The following LAMB4 variants were observed in gnomAD, a reference collection of about 807,000 sequenced individuals.
LAMB4 encodes laminin subunit beta-4.
A neutral mutation model predicts 199.2 loss-of-function variants in LAMB4; 196 were observed. The ratio of observed to expected loss-of-function variants is 0.98; its 90% CI spans 0.88 to 1.11. The LOEUF (loss-of-function observed/expected upper bound fraction) is 1.11. LAMB4 is among the 50% of genes least tolerant of loss of function. The pLI, the probability that LAMB4 is intolerant of heterozygous loss-of-function variation, is 0.00. For missense variants in LAMB4, 2,080 were observed against 2,171.2 expected, an observed-to-expected ratio of 0.96 and a Z score of 0.83; for synonymous variants, 744 against 770.6, an observed-to-expected ratio of 0.97 and a Z score of 0.57.
At chr7:108,058,363 T>C (rs541635053) in intron 23 of LAMB4, among the ~76,000 whole-genome samples, 7 of 152,370 alleles carry the variant, frequency 4.6e-5, no homozygotes, top group African/African-American at 1.7e-4. Context: ...ACCAACTGGA[T>C]TAGCGTTTTG....
In LAMB4 at chr7:108,117,699, C is replaced by T. The variant is rs1267131119; in HGVS notation, c.35-1538G>A. 2.6e-5 allele frequency among the ~76,000 whole-genome samples: 4 copies of T among 152,178 alleles called. No individual in the cohort carries two copies. The East Asian group carries it at 5.8e-4, about 22-fold the overall frequency. The stretch of plus-strand genomic sequence containing the variant: ...AATAAGAGAATGGCTACTCCATAGA[C>T]AGAGCAGCCCCAAGGGCTGCTGGTT... On this transcript the variant is annotated intron_variant, in intron 2 of 33. Transcript: ENST00000388781.
chr7:108,072,356 G>A (rs2150565879), intron 17 of LAMB4, among the ~76,000 whole-genome samples: 1 of 152,184 alleles, frequency 6.6e-6, no homozygotes, highest in Non-Finnish European at 1.5e-5. Context: ...ATTGAAGTCT[G>A]ATGATTTATT....
At chr7:108,113,939 G>A (rs1287267105) in intron 3 of LAMB4, among the ~76,000 whole-genome samples, 2 of 152,190 alleles carry the variant, frequency 1.3e-5, no homozygotes, top group South Asian at 4.1e-4. Context: ...GAAATATTTT[G>A]AGGTTTTTTC....
At chr7:108,046,455 T>TA (rs1364590045) in intron 28 of LAMB4, among the ~76,000 whole-genome samples, 4 of 151,932 alleles carry the variant, frequency 2.6e-5, no homozygotes, top group South Asian at 2.1e-4. Context: ...CATATAGTGG[T>TA]AAAAAATTCA....
chr7:108,088,386 A>G (rs1322258043), intron 14 of LAMB4, among the ~76,000 whole-genome samples: 3 of 152,064 alleles, frequency 2.0e-5, no homozygotes, highest in Non-Finnish European at 4.4e-5. Flanking sequence ...CTAGTCTCAA[A>G]CTCCTGACCT....
chr7:108,125,051 G>A (rs1350338236), intron 1 of LAMB4, among the ~76,000 whole-genome samples: 3 of 152,200 alleles, frequency 2.0e-5, no homozygotes, highest in Non-Finnish European at 4.4e-5. Context: ...ATGCTGGAAA[G>A]TGACTCACTG....
At chr7:108,087,885 G>A (rs992295672) in intron 14 of LAMB4, among the ~76,000 whole-genome samples, 6 of 152,180 alleles carry the variant, frequency 3.9e-5, no homozygotes, top group African/African-American at 1.4e-4. Flanking sequence ...TTTGGGCTTG[G>A]TTTTTCCTTT....
intron 8 of LAMB4, among the ~76,000 whole-genome samples, chr7:108,105,495 A>G (rs903941437): frequency 6.6e-6 from 1 of 152,202 alleles, no homozygotes; most frequent in African/African-American, 2.4e-5. Context: ...CACCAACCCA[A>G]TATGATCCCT....
chr7:108,063,809 G>C lies in LAMB4; in HGVS notation c.3013C>G (p.Leu1005Val), dbSNP rs773781802. ...LHNTQGANCQ[L>V]CKPGHYGSAL... ...GATCCATAGTGACCTGGTTTGCAGA[G>C]CTGGCAGTTTGCGCCCTGAGTGTTG... Residue 1005 changes from leucine (L) to valine (V), a missense_variant, in exon 22 of 34, where the codon CTC (leucine) becomes GTC (valine). Coordinates refer to ENST00000388781, the MANE Select transcript of LAMB4 (RefSeq NM_007356.3). 4 of 1,614,214 alleles carry C rather than the reference G, an allele frequency of 2.5e-6. No individual in the cohort carries two copies. Among genetic ancestry groups the C allele is most frequent in the Non-Finnish European group, 8.5e-7 (1 of 1,180,038 alleles).
intron 8 of LAMB4, 120 bp from the exon 9 acceptor site, chr7:108,104,739 G>A: frequency 9.1e-7 from 1 of 1,098,806 alleles, no homozygotes; most frequent in Non-Finnish European, 1.3e-6. Context: ...TTTCCCATAT[G>A]TTAATTACAA....
In LAMB4 at chr7:108,055,717, C is replaced by G. The variant is rs369035830; in HGVS notation, c.3670G>C (p.Val1224Leu). Residue 1224 changes from valine (V) to leucine (L), a missense_variant, in exon 25 of 34, where the codon GTG (valine) becomes CTG (leucine). Val to Leu is a conservative substitution (Grantham distance 32, BLOSUM62 1). Transcript: ENST00000388781. The part of the protein sequence containing the change: ...EADFKDLRGN[V>L]SEIERILKHP... ...TTCAAAATCCTTTCTATTTCAGACACGTTCCCTCTGAGGTCTTTGAAGTCT... is the reference window on the plus strand; with the variant it reads ...TTCAAAATCCTTTCTATTTCAGACAGGTTCCCTCTGAGGTCTTTGAAGTCT... 4.3e-6 allele frequency: 7 copies of G among 1,614,076 alleles called. No individual in the cohort carries two copies. The South Asian group carries it at 4.4e-5, about 10-fold the overall frequency.
At position 108,111,954 on chromosome 7, in the gene LAMB4, A is replaced by G. The variant is rs2038242159; in HGVS notation, c.193-8T>C. 1.3e-6 allele frequency: 2 copies of G among 1,587,800 alleles called. No homozygotes were observed. Among genetic ancestry groups the G allele is most frequent in the East Asian group, 4.5e-5 (2 of 44,396 alleles). On this transcript the variant is annotated splice_region_variant and splice_polypyrimidine_tract_variant and intron_variant, in intron 3 of 33. Transcript: ENST00000388781. ...GAAGCATTTTTGTTCCCCCTGGAAA[A>G]CACCATTATTAAAATTAAAAATAAA...
At chr7:108,040,158 C>T (rs2035371283) in intron 29 of LAMB4, among the ~76,000 whole-genome samples, 1 of 152,148 alleles carries the variant, frequency 6.6e-6, no homozygotes, top group African/African-American at 2.4e-5. Context: ...ATCTCATTCA[C>T]AATTGCCACA....
rs550657838 is a variant in LAMB4, at chr7:108,081,413, A to G, written c.1702-1627T>C. 4.3e-4 allele frequency among the ~76,000 whole-genome samples: 65 copies of G among 152,320 alleles called. No individual in the cohort carries two copies. In the South Asian group the frequency reaches 7.0e-3, roughly 16 times the overall value. ...TGCCCCTGAGCTCCTCTGAGGATCA[A>G]TTCAAGGTTTGTTTTACCTGAGACC... On this transcript the variant is annotated intron_variant, in intron 14 of 33. Transcript: ENST00000388781.
chr7:108,103,694 G>A (rs1407928910), intron 9 of LAMB4, among the ~76,000 whole-genome samples: 1 of 152,194 alleles, frequency 6.6e-6, no homozygotes, highest in African/African-American at 2.4e-5. Context: ...CAAGGGCTGC[G>A]GTCAATTTTA....
intron 14 of LAMB4, among the ~76,000 whole-genome samples, chr7:108,084,784 CTTTTTTTTTTT>C (rs745640979): frequency 1.0e-5 from 1 of 96,526 alleles, no homozygotes; most frequent in Non-Finnish European, 2.0e-5. Context: ...CCAAGGAATC[CTTTTTTTTTTT>C]TTTTTTTTTT....
chr7:108,107,892 G>A (rs402264), intron 5 of LAMB4, 73 bp from the exon 6 acceptor site: 417,059 of 1,043,194 alleles, frequency 0.4, 84,619 homozygotes, highest in Non-Finnish European at 0.41. Context: ...TTGAATATTT[G>A]TATTTTCTAA....
At position 108,126,557 on chromosome 7, in the gene LAMB4, T is replaced by TTTTTTTC. The variant is rs1167898873; in HGVS notation, c.-33-3361_-33-3360insGAAAAAA. Among the ~76,000 whole-genome samples the TTTTTTTC allele has an allele frequency of 4.7e-3, 435 of 92,820 alleles. 30 individuals are homozygous for TTTTTTTC. The highest frequency in any genetic ancestry group is 0.017 in the African/African-American group (406 of 23,934). 60.9% of individuals were successfully genotyped at this position (92,820 alleles called of 152,430 possible). ...TAGGATGTGTCAGAATTTCTTTCTT[T>TTTTTTTC]TTTTTTTTTTTTTTTTTTGAGACGG... On this transcript the variant is annotated intron_variant, in intron 1 of 33. Coordinates refer to ENST00000388781, the MANE Select transcript of LAMB4 (RefSeq NM_007356.3).
At chr7:108,100,848 T>C (rs1214195708) in intron 10 of LAMB4, among the ~76,000 whole-genome samples, 1 of 152,232 alleles carries the variant, frequency 6.6e-6, no homozygotes, top group Non-Finnish European at 1.5e-5. Context: ...AGGAAATTGC[T>C]CTAAAGAAAT....
Sources: allele counts gnomAD v4.1 joint callset (sites outside exome capture counted in the v4.1 genomes callset), GRCh38; gene constraint gnomAD v4.1.1; transcripts MANE v1.5; gene names NCBI Gene and HGNC (gene_info 2026-07-23, HGNC 2026-07-21).